ZNF3: variants seen among roughly 807,000 people sequenced by gnomAD.
The protein encoded by ZNF3 is zinc finger protein 3, also known as C2-H2 type zinc finger protein.
ZNF3 carries 16 observed loss-of-function variants against 36.9 expected under a neutral mutation model. That is an observed-to-expected ratio of 0.43 (90% CI 0.29 to 0.66). ZNF3 has a LOEUF of 0.66. ZNF3 is among the 30% of genes least tolerant of loss of function. The probability of loss-of-function intolerance (pLI) is 0.13; values close to 1 mark genes in which losing one functional copy is unlikely to be tolerated. For synonymous variants in ZNF3, 201 were observed against 201.9 expected (o/e 1.00, Z 0.04); for missense variants, 462 against 543.1 (o/e 0.85, Z 1.48).
rs1465146457 is a variant in ZNF3 at position 100,070,345 on chromosome 7, AATC to A, written c.*795_*797del. ...CATCCTTACCCAGGCATTTAGAGAA[AATC>A]ATTTTCATCATTGGAGTGGGAAGAG... On this transcript the variant is annotated 3_prime_UTR_variant, in exon 6 of 6. Transcript: ENST00000299667. The A allele has an allele frequency of 2.0e-6, 2 of 985,292 alleles. No homozygotes were observed. The highest frequency in any genetic ancestry group is 2.4e-6 in the Non-Finnish European group (2 of 829,978). The allele number at this position is 985,292 out of a possible 1,614,324, so 61.0% of individuals were successfully genotyped here.
intron 1 of ZNF3, among the ~76,000 whole-genome samples, chr7:100,080,566 C>T (rs1470026062): frequency 6.6e-6 from 1 of 151,078 alleles, no homozygotes; most frequent in Admixed American, 6.6e-5. Context: ...AATCCCAACA[C>T]TTTGGGAGGC....
In ZNF3 at chr7:100,071,360, C is replaced by G; in HGVS notation, c.1124G>C (p.Gly375Ala). The change falls in exon 6 of 6, where the codon GGA becomes GCA. Residue 375 changes from glycine to alanine, a missense_variant. Transcript: ENST00000299667. Reference sequence around the variant, plus strand: ...AAGGCCTGAACTGTAGGTAAACTTTCCTCCACATTCCATACATTCGTAGGG... The same window carrying G: ...AAGGCCTGAACTGTAGGTAAACTTTGCTCCACATTCCATACATTCGTAGGG... ...EKPYECMECG[G>A]KFTYSSGLIQ... is the part of the protein sequence containing the mutation. 1 of 1,613,494 alleles carries G rather than the reference C, an allele frequency of 6.2e-7. No homozygotes were observed. The highest frequency in any genetic ancestry group is 1.3e-5 in the African/African-American group (1 of 74,748).
downstream of ZNF3, among the ~76,000 whole-genome samples, chr7:100,065,480 C>T (rs1340052788): frequency 6.6e-6 from 1 of 151,790 alleles, no homozygotes; most frequent in Non-Finnish European, 1.5e-5. Context: ...ATACCAAGAG[C>T]CAGGGGCCAT....
intron 1 of ZNF3, among the ~76,000 whole-genome samples, chr7:100,079,905 G>A (rs994561233): frequency 2.6e-5 from 4 of 151,934 alleles, no homozygotes; most frequent in African/African-American, 7.3e-5. Context: ...GCCTCACTGT[G>A]TTGCTCAGGC....
Position 100,075,523 on chromosome 7 carries a change from A to C in ZNF3, c.144+19T>G. 1 of 1,613,816 alleles carries C rather than the reference A, an allele frequency of 6.2e-7. No homozygotes were observed. The highest frequency in any genetic ancestry group is 1.1e-5 in the South Asian group (1 of 91,080). ...CACAGAAAATGGAAAGGAAAAGGAT[A>C]AACGGAACCACAGCTCACCTGGGAC... On this transcript the variant is annotated intron_variant, in intron 4 of 5. Transcript: ENST00000299667.
chr7:100,075,072 T>C, intron 5 of ZNF3, 63 bp downstream of exon 5: 1 of 1,533,758 alleles, frequency 6.5e-7, no homozygotes, highest in Non-Finnish European at 8.8e-7. Flanking sequence ...ACTAGATTGT[T>C]ACTAGCAAAC....
intron 1 of ZNF3, among the ~76,000 whole-genome samples, chr7:100,080,529 A>T (rs77732391): frequency 6.6e-6 from 1 of 151,674 alleles, no homozygotes; most frequent in African/African-American, 2.4e-5. Context: ...AAAAAAAAAA[A>T]GGCCGGGCGC....
At chr7:100,073,252 G>C (rs6960432) in intron 5 of ZNF3, among the ~76,000 whole-genome samples, 89,955 of 152,078 alleles carry the variant, frequency 0.59, 26,954 homozygotes, top group East Asian at 0.86. Flanking sequence ...TTAGGAAGAC[G>C]TCCTGGCTCT....
Position 100,070,792 on chromosome 7 carries a change from C to T in ZNF3, c.*351G>A, listed in dbSNP as rs939820842. On this transcript the variant is annotated 3_prime_UTR_variant, in exon 6 of 6. Coordinates refer to ENST00000299667, the MANE Select transcript of ZNF3 (RefSeq NM_032924.5). ...TTTCCACTGCTGTCTGTGCTGACTA[C>T]GCGGACTCCAACTAAAGGAATCCAT... 13 of 1,063,500 alleles carry T rather than the reference C, an allele frequency of 1.2e-5. No individual in the cohort carries two copies. Among genetic ancestry groups the T allele is most frequent in the East Asian group, 7.2e-5 (1 of 13,912 alleles). 65.9% of individuals were successfully genotyped at this position (1,063,500 alleles called of 1,614,324 possible). A position where few individuals can be genotyped will look rare whatever the true frequency, so the allele number is the denominator to read the frequency against.
chr7:100,072,043 T>G lies in ZNF3; in HGVS notation c.441A>C (p.Arg147Ser), dbSNP rs753148919. Residue 147 changes from arginine (R) to serine (S), a missense_variant, in exon 6 of 6, where the codon AGA becomes AGC. Physicochemically the swap from Arg to Ser is moderately radical, Grantham distance 110. Transcript: ENST00000299667. Reference sequence around the variant, plus strand: ...CAAAATCTGGCATTTTCCTGTTCAGTCTTTCTCCAGGGGAGTTCCCCAGCG... The same window carrying G: ...CAAAATCTGGCATTTTCCTGTTCAGGCTTTCTCCAGGGGAGTTCCCCAGCG... Reference protein sequence around the residue: ...KRPLGNSPGERLNRKMPDFGQ... With the variant: ...KRPLGNSPGESLNRKMPDFGQ... 1.4e-5 allele frequency: 23 copies of G among 1,614,180 alleles called. No individual in the cohort carries two copies. The highest frequency in any genetic ancestry group is 1.8e-5 in the Non-Finnish European group (21 of 1,180,034).
rs966493224 is a variant in ZNF3 at position 100,070,803 on chromosome 7, A to G, written c.*340T>C. The G allele has an allele frequency of 3.2e-5, 35 of 1,082,346 alleles. No individual in the cohort carries two copies. Among genetic ancestry groups the G allele is most frequent in the African/African-American group, 6.6e-5 (4 of 60,532 alleles). The allele number at this position is 1,082,346 out of a possible 1,614,324, so 67.0% of individuals were successfully genotyped here. A position where few individuals can be genotyped will look rare whatever the true frequency, so the allele number is the denominator to read the frequency against. ...GTCTGTGCTGACTACGCGGACTCCA[A>G]CTAAAGGAATCCATCGAATTCTGTC... On this transcript the variant is annotated 3_prime_UTR_variant, in exon 6 of 6. Transcript: ENST00000299667.
In ZNF3 at chr7:100,075,261, C is replaced by T. The variant is rs771194203; in HGVS notation, c.145G>A (p.Glu49Lys). 5.6e-6 allele frequency: 9 copies of T among 1,613,956 alleles called. No homozygotes were observed. The Admixed American group carries it at 8.3e-5, about 15-fold the overall frequency. ...AAALLKAKSQ[E>K]LVTFEDVAVY... ...GCTACATCCTCAAAGGTTACCAGCT[C>T]CTGAAACAACACGTGCTGGCATGCA... Residue 49 changes from glutamate to lysine, a missense_variant and splice_region_variant, in exon 5 of 6, where the codon GAG becomes AAG. Transcript: ENST00000299667.
downstream of ZNF3, among the ~76,000 whole-genome samples, chr7:100,067,229 C>T (rs1006429708): frequency 6.6e-6 from 1 of 152,082 alleles, no homozygotes; most frequent in East Asian, 1.9e-4. Context: ...CTGAACAATC[C>T]CGGTGCTCCC....
chr7:100,081,870 C>A (rs1399230867), upstream of ZNF3: 1 of 152,710 alleles, frequency 6.5e-6, no homozygotes, highest in African/African-American at 2.4e-5. This position sits in a 1 kb window ranked among gnomAD's most constrained non-coding sequence, Gnocchi z 4.3. Flanking sequence ...TGGCAGGCGG[C>A]GAGGGCAAGG....
downstream of ZNF3, among the ~76,000 whole-genome samples, chr7:100,069,800 A>T (rs1483838741): frequency 6.6e-6 from 1 of 152,024 alleles, no homozygotes; most frequent in African/African-American, 2.4e-5. Context: ...TTTAGTAGAG[A>T]CGGGGTTTCT....
At chr7:100,066,752 AGGCC>A (rs1412613238), downstream of ZNF3, among the ~76,000 whole-genome samples, 1 of 151,054 alleles carries the variant, frequency 6.6e-6, no homozygotes, top group East Asian at 2.0e-4. Flanking sequence ...ATAAATAAAT[AGGCC>A]GGGTGTGGTG....
intron 5 of ZNF3, 108 bp downstream of exon 5, chr7:100,075,026 CA>C (rs199682529): frequency 4.6e-3 from 5,616 of 1,223,740 alleles, no homozygotes; most frequent in East Asian, 5.7e-3. Flanking sequence ...CATTGCACCT[CA>C]AAAAAAAAAT....
At chr7:100,063,852 G>C (rs780860774), downstream of ZNF3, 3 of 1,613,974 alleles carry the variant, frequency 1.9e-6, no homozygotes, top group African/African-American at 1.3e-5. Flanking sequence ...AAGCAGAGGG[G>C]CTCAAAGGGG....
chr7:100,069,883 G>A, downstream of ZNF3: 1 of 946,126 alleles, frequency 1.1e-6, no homozygotes, highest in Non-Finnish European at 1.3e-6. Context: ...AGAGTGCTGG[G>A]ATTACAGGCA....
Sources: gnomAD v4.1 joint callset for allele counts (sites outside exome capture counted in the v4.1 genomes callset) on GRCh38, gnomAD v4.1.1 for gene constraint, Gnocchi (gnomAD v3.1) non-coding constraint, MANE v1.5 for transcripts, NCBI Gene and HGNC (gene_info 2026-07-23, HGNC 2026-07-21) for gene names.